Variants in CCDC91 observed in about 807,000 individuals in gnomAD.
CCDC91 encodes the protein coiled-coil domain-containing protein 91.
CCDC91 carries 48 observed loss-of-function variants against 63.2 expected under a neutral mutation model. That is an observed-to-expected ratio of 0.76 (90% confidence interval 0.60 to 0.97). The LOEUF is 0.97. CCDC91 is among the 50% of genes least tolerant of loss of function. CCDC91 has a pLI of 0.00. For synonymous variants in CCDC91, 167 were observed against 165.8 expected, an observed-to-expected ratio of 1.01 and a Z score of -0.06; for missense variants, 500 against 494.6, an observed-to-expected ratio of 1.01 and a Z score of -0.10.
At chr12:28,303,239 C>T (rs747484052) in intron 3 of CCDC91, among the ~76,000 whole-genome samples, 13 of 152,112 alleles carry the variant, frequency 8.5e-5, no homozygotes, top group East Asian at 5.8e-4. Context: ...AAAATGGAGA[C>T]GGGTTATGAA....
chr12:28,496,109 G>T (rs533554799), intron 12 of CCDC91, among the ~76,000 whole-genome samples: 20 of 151,522 alleles, frequency 1.3e-4, no homozygotes, highest in Non-Finnish European at 2.7e-4. Context: ...AGCAGCAGAG[G>T]AGTTTATTAA....
chr12:28,344,880 A>G (rs1353139386), intron 6 of CCDC91, among the ~76,000 whole-genome samples: 1 of 152,130 alleles, frequency 6.6e-6, no homozygotes, highest in East Asian at 1.9e-4. Flanking sequence ...CAGAGAAGGC[A>G]TCTGCCTACA....
At chr12:28,379,365 A>G (rs1002461866) in intron 7 of CCDC91, among the ~76,000 whole-genome samples, 7 of 151,546 alleles carry the variant, frequency 4.6e-5, no homozygotes, top group Admixed American at 4.6e-4. Flanking sequence ...TGAAGAGGCA[A>G]CCTACAGAAT....
At position 28,305,790 on chromosome 12, in the gene CCDC91, C is replaced by G. The variant is rs780154488; in HGVS notation, c.251C>G (p.Thr84Ser). The change falls in exon 4 of 13, where the codon ACT becomes AGT. Residue 84 changes from threonine to serine, a missense_variant. Transcript: ENST00000536442. ...GCAGCAAATAGCATTGTGAGTCAAACTATTCCAAAAGCACAGGTAAAGACA... is the reference window on the plus strand; with the variant it reads ...GCAGCAAATAGCATTGTGAGTCAAAGTATTCCAAAAGCACAGGTAAAGACA... ...THAANSIVSQTIPKAQIQQST... is the reference protein window; with the variant it reads ...THAANSIVSQSIPKAQIQQST... 8 of 1,612,238 alleles carry G rather than the reference C, an allele frequency of 5.0e-6. No homozygotes were observed. Among genetic ancestry groups the G allele is most frequent in the Admixed American group, 1.7e-5 (1 of 59,868 alleles).
chr12:28,292,814 T>C (rs1283912442), intron 3 of CCDC91, among the ~76,000 whole-genome samples: 2 of 152,174 alleles, frequency 1.3e-5, no homozygotes, highest in Admixed American at 1.3e-4. Flanking sequence ...CCAATGCTTC[T>C]CAAACTGTAG....
intron 3 of CCDC91, chr12:28,268,481 G>A (rs1026009309): frequency 1.2e-5 from 2 of 160,092 alleles, no homozygotes; most frequent in Non-Finnish European, 2.7e-5. Flanking sequence ...ACCTTTAAGA[G>A]ATCAGTAGGA....
intron 12 of CCDC91, among the ~76,000 whole-genome samples, chr12:28,532,106 A>G (rs1409409261): frequency 1.3e-5 from 2 of 152,122 alleles, no homozygotes; most frequent in East Asian, 3.9e-4. Flanking sequence ...AGAGGGCACA[A>G]CATATACAAA....
intron 8 of CCDC91, among the ~76,000 whole-genome samples, chr12:28,415,769 A>G (rs375318298): frequency 1.8e-4 from 27 of 152,068 alleles, no homozygotes; most frequent in African/African-American, 6.5e-4. Context: ...GTGAACTTAT[A>G]TAGTGGTTAC....
chr12:28,282,945 C>A, intron 3 of CCDC91, among the ~76,000 whole-genome samples: 1 of 152,106 alleles, frequency 6.6e-6, no homozygotes. Context: ...TTTCCCAGTA[C>A]TATTTATTTA....
At chr12:28,504,119 A>T (rs1359437529) in intron 12 of CCDC91, among the ~76,000 whole-genome samples, 1 of 143,404 alleles carries the variant, frequency 7.0e-6, no homozygotes, top group Admixed American at 6.8e-5. Flanking sequence ...AAAAGACTCC[A>T]ACTCCAAAAA....
chr12:28,501,289 T>C (rs1019586211), intron 12 of CCDC91, among the ~76,000 whole-genome samples: 1 of 151,890 alleles, frequency 6.6e-6, no homozygotes, highest in African/African-American at 2.4e-5. Flanking sequence ...TGTGCCAGTT[T>C]TCAAAGGGAA....
At chr12:28,402,133 C>G (rs146256474) in intron 8 of CCDC91, among the ~76,000 whole-genome samples, 34 of 152,176 alleles carry the variant, frequency 2.2e-4, no homozygotes, top group African/African-American at 7.5e-4. Context: ...GGGGATTCCC[C>G]TGTGCGTTAC....
At chr12:28,522,169 C>G (rs553746711) in intron 12 of CCDC91, among the ~76,000 whole-genome samples, 6 of 152,132 alleles carry the variant, frequency 3.9e-5, no homozygotes, top group Non-Finnish European at 8.8e-5. Context: ...CCTTGTACCT[C>G]TGGTAGAATT....
intron 6 of CCDC91, among the ~76,000 whole-genome samples, chr12:28,311,324 G>A (rs1488023243): frequency 6.6e-6 from 1 of 151,986 alleles, no homozygotes; most frequent in African/African-American, 2.4e-5. Flanking sequence ...AGTTATAAAA[G>A]TTCTGGCTTC....
At chr12:28,312,287 G>A (rs191464985) in intron 6 of CCDC91, among the ~76,000 whole-genome samples, 19 of 151,710 alleles carry the variant, frequency 1.3e-4, no homozygotes, top group African/African-American at 2.7e-4. Flanking sequence ...TGGATAATTC[G>A]AAATGGGAGA....
intron 6 of CCDC91, among the ~76,000 whole-genome samples, chr12:28,336,942 A>G (rs1942029162): frequency 6.6e-6 from 1 of 152,168 alleles, no homozygotes; most frequent in Non-Finnish European, 1.5e-5. Flanking sequence ...TTAACTGAAG[A>G]CAATATTTTT....
chr12:28,536,028 C>CA (rs35608455), intron 12 of CCDC91, among the ~76,000 whole-genome samples: 3,452 of 117,130 alleles, frequency 0.029, 75 homozygotes, highest in Middle Eastern at 0.09. Context: ...GACTCCATCT[C>CA]AAAAAAAAAA....
At chr12:28,519,663 G>A (rs12312376) in intron 12 of CCDC91, among the ~76,000 whole-genome samples, 15,322 of 150,710 alleles carry the variant, frequency 0.1, 2,059 homozygotes, top group African/African-American at 0.31. Flanking sequence ...TTGGTGTGCT[G>A]CACCCATTAA....
chr12:28,398,784 A>T (rs1946443394), intron 8 of CCDC91, among the ~76,000 whole-genome samples: 1 of 151,908 alleles, frequency 6.6e-6, no homozygotes, highest in Non-Finnish European at 1.5e-5. Context: ...TGTGCTTTTT[A>T]TTTGTACATT....
Sources: gnomAD v4.1 joint callset for allele counts (sites outside exome capture counted in the v4.1 genomes callset) on GRCh38, gnomAD v4.1.1 for gene constraint, MANE v1.5 for transcripts, NCBI Gene and HGNC (gene_info 2026-07-23, HGNC 2026-07-21) for gene names.